Variants in EYA1 observed in about 807,000 individuals in gnomAD.
EYA1 encodes protein phosphatase EYA1.
A neutral mutation model predicts 82.0 loss-of-function variants in EYA1; 16 were observed. That is an observed-to-expected ratio of 0.20 (90% CI 0.13 to 0.30). EYA1 has a LOEUF of 0.30. EYA1 is among the 10% of genes least tolerant of loss of function. EYA1 has a pLI of 1.00. For synonymous variants in EYA1, 261 were observed against 264.4 expected (o/e 0.99, Z 0.12); for missense variants, 633 against 730.7 (o/e 0.87, Z 1.54).
intron 12 of EYA1, among the ~76,000 whole-genome samples, chr8:71,232,619 T>C (rs2128883099): frequency 6.6e-6 from 1 of 151,864 alleles, no homozygotes; most frequent in African/African-American, 2.4e-5. Context: ...CCCAAAGAAG[T>C]ATTCTGTGAT....
At chr8:71,237,550 C>T (rs575929286) in intron 12 of EYA1, among the ~76,000 whole-genome samples, 1 of 152,004 alleles carries the variant, frequency 6.6e-6, no homozygotes, top group Non-Finnish European at 1.5e-5. Context: ...TAAGCATATG[C>T]TTTACAGAAT....
intron 2 of EYA1, among the ~76,000 whole-genome samples, chr8:71,417,757 T>C (rs1040484927): frequency 2.4e-4 from 36 of 152,186 alleles, no homozygotes; most frequent in African/African-American, 8.7e-4. Flanking sequence ...TGAGAAACCC[T>C]GCTTCAGGCC....
chr8:71,239,147 A>G (rs1204939855), intron 12 of EYA1, among the ~76,000 whole-genome samples: 2 of 152,202 alleles, frequency 1.3e-5, no homozygotes, highest in African/African-American at 4.8e-5. Context: ...ATTAGTAATA[A>G]TAAAATATGG....
chr8:71,340,352 ATCTCATCTAGTTG>A (rs1213084360), intron 3 of EYA1, among the ~76,000 whole-genome samples: 1 of 152,106 alleles, frequency 6.6e-6, no homozygotes, highest in African/African-American at 2.4e-5. Context: ...AAAATACACA[ATCTCATCTAGTTG>A]TCCCAACTTT....
intron 1 of EYA1, among the ~76,000 whole-genome samples, chr8:71,358,428 CTT>C (rs1827094547): frequency 6.6e-6 from 1 of 152,242 alleles, no homozygotes; most frequent in Non-Finnish European, 1.5e-5. Flanking sequence ...CAGATATACT[CTT>C]TTGTGTCTCA....
intron 3 of EYA1, among the ~76,000 whole-genome samples, chr8:71,342,345 A>G (rs908488929): frequency 1.1e-4 from 17 of 152,264 alleles, no homozygotes; most frequent in Non-Finnish European, 1.5e-5. Context: ...GTCTCCTCAC[A>G]GTCTCCCAAA....
intron 7 of EYA1, among the ~76,000 whole-genome samples, chr8:71,314,699 G>GT (rs1821718918): frequency 6.6e-6 from 1 of 152,154 alleles, no homozygotes; most frequent in African/African-American, 2.4e-5. Context: ...TACTCAACCT[G>GT]TATATCCAAT....
At chr8:71,310,776 CAG>C (rs780534546) in intron 7 of EYA1, among the ~76,000 whole-genome samples, 2 of 147,992 alleles carry the variant, frequency 1.4e-5, no homozygotes, top group East Asian at 2.4e-4. Flanking sequence ...TGAAGAAAAT[CAG>C]AGTTTTTTAT....
At chr8:71,263,514 C>G (rs1406019581) in intron 11 of EYA1, among the ~76,000 whole-genome samples, 1 of 152,124 alleles carries the variant, frequency 6.6e-6, no homozygotes, top group Admixed American at 6.5e-5. Context: ...CTAATGAATT[C>G]ACGTGAGGGT....
chr8:71,412,700 A>G (rs1445334491), intron 2 of EYA1, among the ~76,000 whole-genome samples: 1 of 152,212 alleles, frequency 6.6e-6, no homozygotes, highest in East Asian at 1.9e-4. Context: ...AGTTAAAAGA[A>G]AAAGAACTGG....
At chr8:71,474,196 A>AC (rs1809467723) in intron 2 of EYA1, among the ~76,000 whole-genome samples, 2 of 135,634 alleles carry the variant, frequency 1.5e-5, no homozygotes, top group African/African-American at 6.7e-5. Flanking sequence ...TTAAAGTAAA[A>AC]TTAAAAAAAA....
Position 71,537,122 on chromosome 8 carries a change from A to G in EYA1, c.-72-1274T>C, listed in dbSNP as rs182894572. 7.9e-4 allele frequency among the ~76,000 whole-genome samples: 120 copies of G among 152,310 alleles called. 2 individuals are homozygous for G. Among genetic ancestry groups the G allele is most frequent in the African/African-American group, 2.7e-3 (114 of 41,580 alleles). On this transcript the variant is annotated intron_variant, in intron 1 of 18. Transcript: ENST00000643681. The stretch of plus-strand genomic sequence containing the variant: ...TTGTTTGTTTTGCTCAACATTATCA[A>G]TGCTGCAAATGTATGCCCAATCCAC...
chr8:71,349,182 T>A (rs988794716), intron 3 of EYA1, among the ~76,000 whole-genome samples: 6 of 152,188 alleles, frequency 3.9e-5, no homozygotes, highest in Non-Finnish European at 5.9e-5. Flanking sequence ...GGAAGGACTC[T>A]CACACACTCA....
At chr8:71,215,563 C>A in intron 15 of EYA1, 51 bp downstream of exon 15, 1 of 1,610,950 alleles carries the variant, frequency 6.2e-7, no homozygotes, top group East Asian at 2.2e-5. Context: ...CCAAAATGAA[C>A]AAGCACGAGC....
chr8:71,442,326 G>C (rs1806491248), intron 2 of EYA1, among the ~76,000 whole-genome samples: 1 of 152,124 alleles, frequency 6.6e-6, no homozygotes, highest in South Asian at 2.1e-4. Context: ...CAAGACATTT[G>C]AATCTGGAGG....
At chr8:71,256,430 C>T (rs962915620) in intron 11 of EYA1, among the ~76,000 whole-genome samples, 1 of 152,052 alleles carries the variant, frequency 6.6e-6, no homozygotes, top group Non-Finnish European at 1.5e-5. Context: ...AGGACCTTGT[C>T]CTGAGTGAAA....
chr8:71,334,039 T>C (rs1159094200), intron 4 of EYA1, 58 bp downstream of exon 4: 2 of 1,195,368 alleles, frequency 1.7e-6, no homozygotes, highest in East Asian at 4.7e-5. Flanking sequence ...GGACATTACA[T>C]GAATAAACTA....
intron 2 of EYA1, among the ~76,000 whole-genome samples, chr8:71,445,747 T>G (rs1032771019): frequency 6.6e-6 from 1 of 152,196 alleles, no homozygotes; most frequent in Non-Finnish European, 1.5e-5. Flanking sequence ...CACACCATTC[T>G]CCTGCCTCAG....
chr8:71,462,795 G>A (rs1808466315), intron 2 of EYA1, among the ~76,000 whole-genome samples: 1 of 152,270 alleles, frequency 6.6e-6, no homozygotes, highest in Non-Finnish European at 1.5e-5. Flanking sequence ...TGGGGGTGGT[G>A]CAGTCAGCTG....
Sources: allele counts gnomAD v4.1 joint callset (sites outside exome capture counted in the v4.1 genomes callset), GRCh38; gene constraint gnomAD v4.1.1; transcripts MANE v1.5; gene names NCBI Gene and HGNC (gene_info 2026-07-23, HGNC 2026-07-21).